CHODL: variants seen among roughly 807,000 people sequenced by gnomAD.
The protein encoded by CHODL is transmembrane protein MT75.
In CHODL, 29 loss-of-function variants were observed where a neutral mutation model predicts 34.5. That is an observed-to-expected ratio of 0.84 (90% CI 0.63 to 1.15). The LOEUF (loss-of-function observed/expected upper bound fraction) is 1.15, where lower values mean the gene tolerates loss of function less well. Among genes scored for constraint, CHODL ranks in the 50% most tolerant of loss-of-function variants. CHODL has a pLI of 0.00. For synonymous variants in CHODL, 125 were observed against 116.1 expected, an observed-to-expected ratio of 1.08 and a Z score of -0.49; for missense variants, 332 against 332.5, an observed-to-expected ratio of 1.00 and a Z score of 0.01.
At chr21:18,048,483 A>G (rs1013167728) in intron 2 of CHODL, among the ~76,000 whole-genome samples, 8 of 151,972 alleles carry the variant, frequency 5.3e-5, no homozygotes, top group Non-Finnish European at 1.5e-5. Context: ...CATAGTTTTT[A>G]CATCCATGAA....
At chr21:18,141,393 C>T (rs1015210717) in intron 2 of CHODL, among the ~76,000 whole-genome samples, 4 of 151,814 alleles carry the variant, frequency 2.6e-5, no homozygotes, top group African/African-American at 9.7e-5. Context: ...AAAAAATGTG[C>T]CACTCCACAC....
intron 1 of CHODL, among the ~76,000 whole-genome samples, chr21:17,961,714 A>G (rs1262657947): frequency 6.6e-6 from 1 of 152,218 alleles, no homozygotes; most frequent in African/African-American, 2.4e-5. Flanking sequence ...AAAACCTTTA[A>G]AAGATGTCTT....
chr21:18,072,009 T>G (rs1473984883), intron 2 of CHODL, among the ~76,000 whole-genome samples: 1 of 152,088 alleles, frequency 6.6e-6, no homozygotes, highest in Non-Finnish European at 1.5e-5. Context: ...CTTTTTTAAA[T>G]AGTTTGCATT....
chr21:18,097,110 G>T (rs2065149628), intron 2 of CHODL, among the ~76,000 whole-genome samples: 1 of 152,038 alleles, frequency 6.6e-6, no homozygotes, highest in Non-Finnish European at 1.5e-5. Flanking sequence ...CCCAAAGCTA[G>T]TATCATATTG....
chr21:18,027,860 C>A (rs2064192392), intron 1 of CHODL: 1 of 152,570 alleles, frequency 6.6e-6, no homozygotes. Flanking sequence ...TCTCTGTTCT[C>A]TACCAAAGGA....
chr21:17,946,269 A>G (rs1237694715), intron 1 of CHODL, among the ~76,000 whole-genome samples: 2 of 152,188 alleles, frequency 1.3e-5, no homozygotes, highest in Admixed American at 6.5e-5. Context: ...TACATAAAAA[A>G]TTAGCCAGGT....
chr21:18,227,303 T>C (rs1052351713), intron 2 of CHODL, among the ~76,000 whole-genome samples: 2 of 152,202 alleles, frequency 1.3e-5, no homozygotes, highest in Non-Finnish European at 2.9e-5. Flanking sequence ...TCTTAAATAC[T>C]ATAGAATTTT....
intron 1 of CHODL, among the ~76,000 whole-genome samples, chr21:18,000,293 A>G (rs1389279456): frequency 6.6e-6 from 1 of 152,158 alleles, no homozygotes; most frequent in Non-Finnish European, 1.5e-5. Context: ...TTTCACTACA[A>G]AGGTGAGATT....
intron 1 of CHODL, among the ~76,000 whole-genome samples, chr21:17,942,553 G>A (rs970492460): frequency 6.6e-6 from 1 of 151,996 alleles, no homozygotes; most frequent in Non-Finnish European, 1.5e-5. Context: ...GTCTTTATCA[G>A]GAGTGTGAAA....
At chr21:18,040,335 A>G (rs974927121) in intron 2 of CHODL, among the ~76,000 whole-genome samples, 1 of 151,844 alleles carries the variant, frequency 6.6e-6, no homozygotes, top group Admixed American at 6.6e-5. Context: ...ACGACATACA[A>G]AATTAATTTA....
intron 2 of CHODL, among the ~76,000 whole-genome samples, chr21:18,072,027 T>C (rs2064811671): frequency 1.3e-5 from 2 of 152,172 alleles, no homozygotes; most frequent in African/African-American, 4.8e-5. Flanking sequence ...ATTACAGAAG[T>C]ATATGGCTGA....
At chr21:17,941,344 T>C (rs1173479308) in intron 1 of CHODL, among the ~76,000 whole-genome samples, 1 of 138,676 alleles carries the variant, frequency 7.2e-6, no homozygotes, top group African/African-American at 2.7e-5. Context: ...TAGAAGAGAG[T>C]CACACAGCAA....
At chr21:18,027,369 T>C (rs1368152175) in intron 1 of CHODL, among the ~76,000 whole-genome samples, 2 of 152,202 alleles carry the variant, frequency 1.3e-5, no homozygotes, top group Non-Finnish European at 2.9e-5. Context: ...TAAATAGGTA[T>C]GGATCTAAAT....
Position 18,193,708 on chromosome 21 carries a change from AAAT to A in CHODL, c.-44-62798_-44-62796del, listed in dbSNP as rs1369460578. The stretch of plus-strand genomic sequence containing the variant: ...AAGACTCTGTCTCAGAAAAAAAAAA[AAAT>A]AAAATAAATAAATAAATAAATAAAT... On this transcript the variant is annotated intron_variant, in intron 2 of 6. Transcript: ENST00000400127. 9.2e-5 allele frequency among the ~76,000 whole-genome samples: 13 copies of A among 142,000 alleles called. 1 individual carries two copies. Among genetic ancestry groups the A allele is most frequent in the Admixed American group, 5.0e-4 (7 of 14,082 alleles). 93.2% of individuals were successfully genotyped at this position (142,000 alleles called of 152,430 possible).
rs928548886 is a variant in CHODL, at chr21:18,267,308, C to G, written c.*1270C>G. Reference sequence around the variant, plus strand: ...TTCTTCTCAAGAGAAAGTTGTAACTCTCTGGTCTTCATATGTCCCTGTGCT... The same window carrying G: ...TTCTTCTCAAGAGAAAGTTGTAACTGTCTGGTCTTCATATGTCCCTGTGCT... On this transcript the variant is annotated 3_prime_UTR_variant, in exon 6 of 6. Transcript: ENST00000299295. 2 of 152,198 alleles carry G rather than the reference C, an allele frequency of 1.3e-5. No homozygotes were observed. The highest frequency in any genetic ancestry group is 2.9e-5 in the Non-Finnish European group (2 of 68,032). 9.4% of individuals were successfully genotyped at this position (152,198 alleles called of 1,614,324 possible).
rs376194550 is a variant in CHODL, at chr21:18,176,192, AG to A, written c.-44-80316del. Among the ~76,000 whole-genome samples the A allele has an allele frequency of 4.5e-4, 68 of 152,330 alleles. No homozygotes were observed. In the East Asian group the frequency reaches 8.9e-3, roughly 20 times the overall value. ...AAAAAACAGGAACAAAAACATTTAG[AG>A]ATAAGTTAGAAGAATTGGCAAAGAA... On this transcript the variant is annotated intron_variant, in intron 2 of 6. Coordinates refer to the CHODL transcript ENST00000400127.
intron 2 of CHODL, among the ~76,000 whole-genome samples, chr21:18,176,532 G>T (rs1350759040): frequency 6.6e-6 from 1 of 152,144 alleles, no homozygotes; most frequent in African/African-American, 2.4e-5. Context: ...TGCCTCCCTT[G>T]TGTTGGCAAA....
At chr21:18,215,884 G>A (rs763639061) in intron 2 of CHODL, among the ~76,000 whole-genome samples, 3 of 152,068 alleles carry the variant, frequency 2.0e-5, no homozygotes, top group Non-Finnish European at 4.4e-5. Context: ...TGCATGGGGA[G>A]GATACAGTGA....
intron 2 of CHODL, among the ~76,000 whole-genome samples, chr21:18,066,221 A>G (rs1233632561): frequency 6.6e-6 from 1 of 152,174 alleles, no homozygotes; most frequent in African/African-American, 2.4e-5. Context: ...CTGATTTGCA[A>G]TCTTGTTCCA....
Sources: gnomAD v4.1 joint callset for allele counts (sites outside exome capture counted in the v4.1 genomes callset) on GRCh38, gnomAD v4.1.1 for gene constraint, MANE v1.5 for transcripts, NCBI Gene and HGNC (gene_info 2026-07-23, HGNC 2026-07-21) for gene names.